ASTN2: variants seen among roughly 807,000 people sequenced by gnomAD.
ASTN2 encodes astrotactin 2, also known as astrotactin-2.
In ASTN2, 54 loss-of-function variants were observed where a neutral mutation model predicts 139.8. The ratio of observed to expected loss-of-function variants is 0.39; its 90% confidence interval spans 0.31 to 0.48. ASTN2 has a LOEUF of 0.48. Ranked by LOEUF, ASTN2 falls within the 20% of genes least tolerant of loss-of-function variation. The probability of loss-of-function intolerance (pLI) is 0.95; values close to 1 mark genes in which losing one functional copy is unlikely to be tolerated. For missense variants in ASTN2, 1,565 were observed against 1,725.1 expected, an observed-to-expected ratio of 0.91 and a Z score of 1.64; for synonymous variants, 756 against 719.5, an observed-to-expected ratio of 1.05 and a Z score of -0.81.
intron 1 of ASTN2, among the ~76,000 whole-genome samples, chr9:117,346,163 G>A (rs190574102): frequency 5.3e-5 from 8 of 152,204 alleles, no homozygotes; most frequent in Non-Finnish European, 1.2e-4. Context: ...AGACTCACTT[G>A]TACTGACTCT....
chr9:116,994,649 T>A (rs1478597513), intron 7 of ASTN2, among the ~76,000 whole-genome samples: 1 of 152,210 alleles, frequency 6.6e-6, no homozygotes, highest in African/African-American at 2.4e-5. Context: ...TATTTCATTT[T>A]AATTAATTTA....
At chr9:117,132,443 G>T (rs1248143953) in intron 4 of ASTN2, among the ~76,000 whole-genome samples, 6 of 152,124 alleles carry the variant, frequency 3.9e-5, no homozygotes, top group African/African-American at 1.2e-4. Context: ...TGGTAGAGTT[G>T]TATCCCTAGG....
chr9:116,956,924 G>A (rs1053929745), intron 10 of ASTN2, among the ~76,000 whole-genome samples: 8 of 152,106 alleles, frequency 5.3e-5, no homozygotes, highest in Non-Finnish European at 1.2e-4. Flanking sequence ...AATGTTGAAA[G>A]AAATTAAGAT....
intron 6 of ASTN2, among the ~76,000 whole-genome samples, chr9:117,033,789 C>A (rs1838311776): frequency 6.6e-6 from 1 of 152,100 alleles, no homozygotes; most frequent in South Asian, 2.1e-4. Context: ...AACCACCTAG[C>A]ATCCCTGAGC....
intron 19 of ASTN2, among the ~76,000 whole-genome samples, chr9:116,533,423 A>T (rs1392168199): frequency 6.6e-6 from 1 of 152,184 alleles, no homozygotes; most frequent in Non-Finnish European, 1.5e-5. Context: ...GAGAGAGGGT[A>T]TCCCTGTCTT....
intron 4 of ASTN2, among the ~76,000 whole-genome samples, chr9:117,138,763 C>T (rs1182408960): frequency 2.0e-5 from 3 of 152,138 alleles, no homozygotes; most frequent in Non-Finnish European, 4.4e-5. Flanking sequence ...TTTTCTGAGA[C>T]CCCATCTAAC....
intron 10 of ASTN2, among the ~76,000 whole-genome samples, chr9:116,935,465 A>C (rs1048627592): frequency 1.3e-5 from 2 of 152,210 alleles, no homozygotes; most frequent in Admixed American, 1.3e-4. Context: ...CACTCAGTAA[A>C]TGTGAGCTTT....
intron 16 of ASTN2, among the ~76,000 whole-genome samples, chr9:116,657,970 C>T (rs1045020708): frequency 4.6e-5 from 7 of 151,714 alleles, no homozygotes; most frequent in Non-Finnish European, 1.0e-4. Flanking sequence ...TCACTGCAAC[C>T]TCCACCTCCT....
chr9:116,789,156 C>G (rs1022207011), intron 13 of ASTN2, among the ~76,000 whole-genome samples: 1 of 152,126 alleles, frequency 6.6e-6, no homozygotes, highest in African/African-American at 2.4e-5. Context: ...CTCTGAACCA[C>G]GGCATGACAA....
chr9:116,766,821 AACAC>A (rs112993258), intron 13 of ASTN2, among the ~76,000 whole-genome samples: 1 of 151,610 alleles, frequency 6.6e-6, no homozygotes, highest in African/African-American at 2.4e-5. Context: ...CATATGCTTG[AACAC>A]ACAGTCACCT....
At chr9:116,661,657 A>G (rs903119068) in intron 16 of ASTN2, among the ~76,000 whole-genome samples, 2 of 152,200 alleles carry the variant, frequency 1.3e-5, no homozygotes, top group African/African-American at 4.8e-5. Flanking sequence ...AAAAAATTCC[A>G]AGGTGGTAAT....
At position 116,981,065 on chromosome 9, in the gene ASTN2, G is replaced by A. The variant is rs146209683; in HGVS notation, c.1592-4280C>T. On this transcript the variant is annotated intron_variant, in intron 7 of 22. Transcript: ENST00000313400. ...TCCTGCATTGCCTGGTACAGAGTAG[G>A]GATTCAGTAAATAAATGCTAAATAG... Among the ~76,000 whole-genome samples, 16 of 152,230 alleles carry A rather than the reference G, an allele frequency of 1.1e-4. No individual in the cohort carries two copies. In the East Asian group the frequency reaches 1.9e-3, roughly 18 times the overall value.
At chr9:116,959,581 G>A (rs1456978804) in intron 10 of ASTN2, among the ~76,000 whole-genome samples, 1 of 152,102 alleles carries the variant, frequency 6.6e-6, no homozygotes, top group Admixed American at 6.5e-5. Context: ...TTTGCTAAAG[G>A]TATAGAAGAA....
chr9:117,058,278 A>G (rs1839125420), intron 5 of ASTN2, among the ~76,000 whole-genome samples: 1 of 152,210 alleles, frequency 6.6e-6, no homozygotes, highest in African/African-American at 2.4e-5. Flanking sequence ...ATCCTAAGGC[A>G]GGAAAATAAA....
In ASTN2 at chr9:116,697,895, A is replaced by G. The variant is rs1413028401; in HGVS notation, c.2806+27876T>C. ...TCTGCCGCCAGTGCCTGGAGAAGCTATTGGCCAGTAGCATCAATGGTGTCC... is the reference window on the plus strand; with the variant it reads ...TCTGCCGCCAGTGCCTGGAGAAGCTGTTGGCCAGTAGCATCAATGGTGTCC... On this transcript the variant is annotated intron_variant, in intron 16 of 22. Coordinates refer to ENST00000313400, the MANE Select transcript of ASTN2 (RefSeq NM_001365068.1). 4 of 1,614,080 alleles carry G rather than the reference A, an allele frequency of 2.5e-6. No individual in the cohort carries two copies. Among genetic ancestry groups the G allele is most frequent in the African/African-American group, 2.7e-5 (2 of 74,932 alleles).
At chr9:116,541,203 A>AT (rs1484461844) in intron 19 of ASTN2, among the ~76,000 whole-genome samples, 1 of 152,190 alleles carries the variant, frequency 6.6e-6, no homozygotes, top group Non-Finnish European at 1.5e-5. Flanking sequence ...AATTTTAAAC[A>AT]TTTTTCTTAT....
At chr9:116,544,152 T>C (rs969020237) in intron 19 of ASTN2, among the ~76,000 whole-genome samples, 3 of 152,106 alleles carry the variant, frequency 2.0e-5, no homozygotes, top group Non-Finnish European at 4.4e-5. Context: ...GTGGCTGACA[T>C]ACTAGTATTC....
Position 116,863,847 on chromosome 9 carries a change from CAAT to C in ASTN2, c.1890-117_1890-115del, listed in dbSNP as rs1403936293. On this transcript the variant is annotated intron_variant, in intron 10 of 22. Coordinates refer to ENST00000313400, the MANE Select transcript of ASTN2 (RefSeq NM_001365068.1). The stretch of plus-strand genomic sequence containing the variant: ...CATAACTTACTTATAATCAGGAAAA[CAAT>C]AATAATCAATATTATAAAAAGGAAA... 4 of 1,091,968 alleles carry C rather than the reference CAAT, an allele frequency of 3.7e-6. No individual in the cohort carries two copies. The African/African-American group carries it at 6.4e-5, about 17-fold the overall frequency. The allele number at this position is 1,091,968 out of a possible 1,614,324, so 67.6% of individuals were successfully genotyped here.
chr9:116,800,833 A>G (rs571331695), intron 13 of ASTN2, among the ~76,000 whole-genome samples: 1 of 152,318 alleles, frequency 6.6e-6, no homozygotes, highest in East Asian at 1.9e-4. Context: ...GTTAATCTTT[A>G]AGTTCTTGTC....
Sources: allele counts gnomAD v4.1 joint callset (sites outside exome capture counted in the v4.1 genomes callset), GRCh38; gene constraint gnomAD v4.1.1; transcripts MANE v1.5; gene names NCBI Gene and HGNC (gene_info 2026-07-23, HGNC 2026-07-21).